The following POU2F1 variants were observed in gnomAD, a reference collection of about 807,000 sequenced individuals.
POU2F1 encodes POU domain, class 2, transcription factor 1.
POU2F1 carries 16 observed loss-of-function variants against 84.9 expected under a neutral mutation model. The observed-to-expected ratio is 0.19, with a 90% confidence interval of 0.13 to 0.29. The LOEUF (loss-of-function observed/expected upper bound fraction) is 0.29. POU2F1 is among the 10% of genes least tolerant of loss of function. POU2F1 has a pLI of 1.00. For missense variants in POU2F1, 738 were observed against 942.6 expected, an observed-to-expected ratio of 0.78 and a Z score of 2.84; for synonymous variants, 368 against 368.3, an observed-to-expected ratio of 1.00 and a Z score of 0.01.
chr1:167,355,747 C>G (rs893685369), intron 2 of POU2F1, among the ~76,000 whole-genome samples: 1 of 152,088 alleles, frequency 6.6e-6, no homozygotes, highest in African/African-American at 2.4e-5. Context: ...GCGATCCTCC[C>G]ACCTCTCAAA....
chr1:167,404,413 A>C (rs1331396751), intron 13 of POU2F1, among the ~76,000 whole-genome samples: 1 of 152,134 alleles, frequency 6.6e-6, no homozygotes, highest in Non-Finnish European at 1.5e-5. Context: ...TGTGAATGTG[A>C]ATAAAGAACT....
chr1:167,395,752 A>T (rs889440383), intron 9 of POU2F1, among the ~76,000 whole-genome samples: 1 of 151,988 alleles, frequency 6.6e-6, no homozygotes, highest in Non-Finnish European at 1.5e-5. Flanking sequence ...CTACAGGCAC[A>T]CGCCACCATA....
intron 1 of POU2F1, among the ~76,000 whole-genome samples, chr1:167,321,592 C>T (rs1383976511): frequency 6.6e-6 from 1 of 152,134 alleles, no homozygotes; most frequent in Non-Finnish European, 1.5e-5. Context: ...TCTAATTGTT[C>T]AGTTACTAAG....
rs73022269 is a variant in POU2F1, at chr1:167,329,526, G to T, written c.62-2944G>T. The stretch of plus-strand genomic sequence containing the variant: ...TAGCTCTTCTGATTCAGAGGGTATC[G>T]TTAGTAAATACAGTTAATTTAGAGT... On this transcript the variant is annotated intron_variant, in intron 1 of 15. Transcript: ENST00000367866. 5.3e-3 allele frequency among the ~76,000 whole-genome samples: 799 copies of T among 152,184 alleles called. 10 individuals are homozygous for T. The highest frequency in any genetic ancestry group is 0.018 in the African/African-American group (735 of 41,514).
intron 2 of POU2F1, among the ~76,000 whole-genome samples, chr1:167,361,358 A>G (rs1659339643): frequency 2.6e-5 from 4 of 152,144 alleles, no homozygotes; most frequent in Admixed American, 2.6e-4. Context: ...TTCAATGCCT[A>G]GTTTATTAGG....
chr1:167,379,094 G>GA (rs148654987), intron 7 of POU2F1: 50 of 144,064 alleles, frequency 3.5e-4, no homozygotes, highest in South Asian at 1.1e-3. Context: ...GGCTAATTGA[G>GA]AAAAAAAAAA....
At chr1:167,355,663 T>C (rs899722274) in intron 2 of POU2F1, among the ~76,000 whole-genome samples, 2 of 152,230 alleles carry the variant, frequency 1.3e-5, no homozygotes, top group Non-Finnish European at 2.9e-5. Flanking sequence ...TGGCATACTA[T>C]AATAACTGCA....
chr1:167,307,276 A>T (rs1655135329), intron 1 of POU2F1, among the ~76,000 whole-genome samples: 4 of 152,166 alleles, frequency 2.6e-5, no homozygotes, highest in Admixed American at 2.6e-4. Flanking sequence ...GTAGACTTGT[A>T]AAATGTGGAC....
intron 2 of POU2F1, among the ~76,000 whole-genome samples, chr1:167,346,922 A>G (rs1320580594): frequency 2.0e-5 from 3 of 152,162 alleles, no homozygotes; most frequent in Non-Finnish European, 4.4e-5. Context: ...GATTCTTCCC[A>G]TTTTATGGCA....
At position 167,412,090 on chromosome 1, in the gene POU2F1, G is replaced by T. The variant is rs1389280592; in HGVS notation, c.1687G>T (p.Ala563Ser). 2 of 1,614,072 alleles carry T rather than the reference G, an allele frequency of 1.2e-6. No homozygotes were observed. The highest frequency in any genetic ancestry group is 1.7e-6 in the Non-Finnish European group (2 of 1,180,036). Residue 563 changes from alanine to serine, a missense_variant, in exon 14 of 16, where the codon GCC becomes TCC. By Grantham distance (99) the Ala-to-Ser change is moderately conservative. This residue lies in a region of POU2F1 where 319 missense variants were observed against 386.0 expected (regional missense o/e 0.83). Transcript: ENST00000367866. ...ASASTSEASSASETSTTQTTS... is the reference protein window; with the variant it reads ...ASASTSEASSSSETSTTQTTS... ...AGCCTCCACCTCCGAGGCATCCAGT[G>T]CCAGTGAGACCAGCACAACACAGAC...
intron 11 of POU2F1, 51 bp downstream of exon 11, chr1:167,398,184 A>G (rs749141846): frequency 6.3e-7 from 1 of 1,585,434 alleles, no homozygotes; most frequent in South Asian, 1.1e-5. Flanking sequence ...TGTAGTACTT[A>G]ACATTAGTAC....
intron 3 of POU2F1, among the ~76,000 whole-genome samples, chr1:167,367,238 C>T (rs963613771): frequency 6.6e-6 from 1 of 152,202 alleles, no homozygotes; most frequent in Non-Finnish European, 1.5e-5. Flanking sequence ...AGAATTAGCA[C>T]CTTGAACCTT....
chr1:167,384,050 T>G (rs1458127507), intron 8 of POU2F1, 99 bp downstream of exon 8: 1 of 1,027,884 alleles, frequency 9.7e-7, no homozygotes, highest in Non-Finnish European at 1.4e-6. Context: ...TAAAAATAAT[T>G]CGGTCTTCGA....
chr1:167,285,134 G>C (rs1653425787), intron 1 of POU2F1, among the ~76,000 whole-genome samples: 1 of 152,154 alleles, frequency 6.6e-6, no homozygotes, highest in Non-Finnish European at 1.5e-5. Context: ...TTTGTATTAG[G>C]ACAATCAGCC....
intron 1 of POU2F1, among the ~76,000 whole-genome samples, chr1:167,270,870 C>G (rs1652320258): frequency 2.0e-5 from 3 of 152,306 alleles, no homozygotes; most frequent in Admixed American, 1.3e-4. Flanking sequence ...GCCCCTTCCA[C>G]ATGGTTTTTC....
intron 1 of POU2F1, among the ~76,000 whole-genome samples, chr1:167,329,751 C>T (rs1656955702): frequency 6.6e-6 from 1 of 152,068 alleles, no homozygotes; most frequent in African/African-American, 2.4e-5. Flanking sequence ...GGTTGAGTCA[C>T]AATGCAGAAT....
At chr1:167,332,062 A>G (rs192494896) in intron 1 of POU2F1, among the ~76,000 whole-genome samples, 77 of 152,202 alleles carry the variant, frequency 5.1e-4, no homozygotes, top group African/African-American at 1.8e-3. Flanking sequence ...AATGAATATC[A>G]TTGCATATAG....
chr1:167,393,911 G>C (rs1455590649), intron 9 of POU2F1, among the ~76,000 whole-genome samples: 1 of 152,138 alleles, frequency 6.6e-6, no homozygotes, highest in African/African-American at 2.4e-5. Context: ...ATGAATATAT[G>C]TGATACACAA....
chr1:167,296,652 G>A (rs1283422213), intron 1 of POU2F1, among the ~76,000 whole-genome samples: 2 of 152,016 alleles, frequency 1.3e-5, no homozygotes, highest in African/African-American at 2.4e-5. Flanking sequence ...ACAAAAACTC[G>A]GTGTCCATTA....
Sources: allele counts gnomAD v4.1 joint callset (sites outside exome capture counted in the v4.1 genomes callset), GRCh38; gene constraint gnomAD v4.1.1; regional missense constraint gnomAD v4.1.1; transcripts MANE v1.5; gene names NCBI Gene and HGNC (gene_info 2026-07-23, HGNC 2026-07-21).